Variants in JAK2 observed in about 807,000 individuals in gnomAD.
JAK2 encodes the protein tyrosine-protein kinase JAK2.
JAK2 carries 86 observed loss-of-function variants against 139.3 expected under a neutral mutation model. The observed-to-expected ratio is 0.62, with a 90% confidence interval of 0.52 to 0.74. JAK2 has a LOEUF of 0.74. Ranked by LOEUF, JAK2 falls within the 30% of genes least tolerant of loss-of-function variation. The probability of loss-of-function intolerance (pLI) is 0.00; values close to 1 mark genes in which losing one functional copy is unlikely to be tolerated. For missense variants in JAK2, 1,421 were observed against 1,360.3 expected (o/e 1.04, Z -0.70); for synonymous variants, 490 against 437.7 (o/e 1.12, Z -1.49).
chr9:5,121,257 T>G (rs988370231), intron 22 of JAK2, among the ~76,000 whole-genome samples: 1 of 152,148 alleles, frequency 6.6e-6, no homozygotes, highest in African/African-American at 2.4e-5. Context: ...CCTAAGAGAT[T>G]TGCAAAGACA....
chr9:5,008,835 A>G (rs1821492194), intron 2 of JAK2, among the ~76,000 whole-genome samples: 1 of 152,130 alleles, frequency 6.6e-6, no homozygotes, highest in African/African-American at 2.4e-5. Flanking sequence ...TCCTCCATCT[A>G]GAGCTTCTCT....
At chr9:5,043,254 C>T (rs1026983312) in intron 4 of JAK2, among the ~76,000 whole-genome samples, 1 of 151,684 alleles carries the variant, frequency 6.6e-6, no homozygotes, top group South Asian at 2.1e-4. Flanking sequence ...ACCAAGTGTA[C>T]GGAAATGGCG....
At chr9:5,076,414 A>T (rs1819311285) in intron 14 of JAK2, among the ~76,000 whole-genome samples, 1 of 152,212 alleles carries the variant, frequency 6.6e-6, no homozygotes, top group East Asian at 1.9e-4. Context: ...AGCCACCACC[A>T]TGATCAGTCA....
intron 22 of JAK2, 109 bp downstream of exon 22, chr9:5,091,020 T>C (rs1256810974): frequency 1.3e-6 from 1 of 796,264 alleles, no homozygotes; most frequent in Non-Finnish European, 1.9e-6. Context: ...AGTGAACATT[T>C]AAGTCTTTTA....
intron 4 of JAK2, among the ~76,000 whole-genome samples, chr9:5,031,832 G>A (rs146517229): frequency 5.0e-4 from 76 of 152,346 alleles, no homozygotes; most frequent in African/African-American, 1.6e-3. Context: ...CAGCATGGGC[G>A]ATGCAGAAGA....
chr9:5,074,348 T>C (rs1819170872), intron 14 of JAK2, among the ~76,000 whole-genome samples: 1 of 152,184 alleles, frequency 6.6e-6, no homozygotes, highest in South Asian at 2.1e-4. Flanking sequence ...TTTTTACATA[T>C]TGAAGGTTTA....
chr9:5,102,512 C>A (rs1821585766), intron 22 of JAK2, among the ~76,000 whole-genome samples: 4 of 152,086 alleles, frequency 2.6e-5, no homozygotes, highest in Non-Finnish European at 4.4e-5. Flanking sequence ...CCAAGGCAGG[C>A]CAACATTCAA....
At position 5,085,853 on chromosome 9, in the gene JAK2, C is replaced by G. The variant is rs1037244592; in HGVS notation, c.2572-3821C>G. 13 of 770,924 alleles carry G rather than the reference C, an allele frequency of 1.7e-5. No individual in the cohort carries two copies. In the African/African-American group the frequency reaches 1.9e-4, roughly 11 times the overall value. The allele number at this position is 770,924 out of a possible 1,614,324, so 47.8% of individuals were successfully genotyped here. On this transcript the variant is annotated intron_variant, in intron 19 of 24. Transcript: ENST00000381652. Reference sequence around the variant, plus strand: ...CTTTTCCTTTTACATCAAAGTAGTACTCAGAGATTTCCTTAAGTTCTGTTG... The same window carrying G: ...CTTTTCCTTTTACATCAAAGTAGTAGTCAGAGATTTCCTTAAGTTCTGTTG...
intron 2 of JAK2, among the ~76,000 whole-genome samples, chr9:4,998,752 A>G (rs938141071): frequency 1.3e-5 from 2 of 150,638 alleles, no homozygotes; most frequent in East Asian, 3.9e-4. Flanking sequence ...AAAAAAAAAA[A>G]CAACAAAAAA....
intron 3 of JAK2, among the ~76,000 whole-genome samples, chr9:5,024,290 T>TTTTAGCATGTAAGATTTTGC: frequency 6.6e-6 from 1 of 152,192 alleles, no homozygotes; most frequent in Non-Finnish European, 1.5e-5. Flanking sequence ...TAAGATTCAT[T>TTTTAGCATGTAAGATTTTGC]TTTAGCATGT....
chr9:5,113,058 T>A (rs936165422), intron 22 of JAK2, among the ~76,000 whole-genome samples: 12 of 151,924 alleles, frequency 7.9e-5, no homozygotes, highest in African/African-American at 2.7e-4. Flanking sequence ...GTCCAGGAGC[T>A]CCCTGGGACC....
At chr9:5,087,775 T>TTCTTA (rs1199915143) in intron 19 of JAK2, among the ~76,000 whole-genome samples, 1 of 141,440 alleles carries the variant, frequency 7.1e-6, no homozygotes, top group Non-Finnish European at 1.5e-5. Context: ...CTTTGAAATG[T>TTCTTA]TCTTATCTTT....
intron 4 of JAK2, among the ~76,000 whole-genome samples, chr9:5,036,916 TG>T (rs1311937735): frequency 6.6e-6 from 1 of 152,022 alleles, no homozygotes; most frequent in African/African-American, 2.4e-5. Context: ...ACCATCAGAG[TG>T]AACAGGCAAC....
intron 22 of JAK2, among the ~76,000 whole-genome samples, chr9:5,093,770 AG>A (rs1197869631): frequency 6.6e-6 from 1 of 152,178 alleles, no homozygotes; most frequent in Non-Finnish European, 1.5e-5. Flanking sequence ...TATCAATAAT[AG>A]GGTTTACGAC....
Position 5,054,503 on chromosome 9 carries a change from A to C in JAK2, c.615-60A>C. 7.3e-7 allele frequency: 1 copy of C among 1,377,674 alleles called. No individual in the cohort carries two copies. The highest frequency in any genetic ancestry group is 9.9e-7 in the Non-Finnish European group (1 of 1,008,434). 85.3% of individuals were successfully genotyped at this position (1,377,674 alleles called of 1,614,324 possible). A position where few individuals can be genotyped will look rare whatever the true frequency, so the allele number is the denominator to read the frequency against. ...GGTGGTAACTTCTTTTTCAATTTTT[A>C]GATTTATCTTCCAATTTTTGTTTTG... is the stretch of plus-strand genomic sequence containing the variant. On this transcript the variant is annotated intron_variant, in intron 6 of 24. Transcript: ENST00000381652. This position sits in a 1 kb window ranked among gnomAD's most constrained non-coding sequence, Gnocchi z 4.9.
intron 22 of JAK2, among the ~76,000 whole-genome samples, chr9:5,117,783 A>G (rs1279121631): frequency 2.0e-5 from 3 of 152,204 alleles, no homozygotes; most frequent in African/African-American, 7.2e-5. Context: ...TTTTAAGAGT[A>G]TACGAGGAAG....
At chr9:5,100,743 G>C (rs896212506) in intron 22 of JAK2, 1 of 152,172 alleles carries the variant, frequency 6.6e-6, no homozygotes, top group East Asian at 1.9e-4. Context: ...GATTACCTTA[G>C]GTATTTACTT....
chr9:5,115,755 T>G (rs1426404844), intron 22 of JAK2, among the ~76,000 whole-genome samples: 2 of 152,204 alleles, frequency 1.3e-5, no homozygotes, highest in African/African-American at 4.8e-5. Flanking sequence ...GTTCATGTCC[T>G]TTGCAGGGAC....
At chr9:5,026,110 C>G (rs181196582) in intron 3 of JAK2, among the ~76,000 whole-genome samples, 191 of 152,184 alleles carry the variant, frequency 1.3e-3, no homozygotes, top group Admixed American at 4.8e-3. Context: ...CCATCTCTAA[C>G]CTTTCTTTGG....
Sources: allele counts gnomAD v4.1 joint callset (sites outside exome capture counted in the v4.1 genomes callset), GRCh38; gene constraint gnomAD v4.1.1; non-coding constraint Gnocchi (gnomAD v3.1); transcripts MANE v1.5; gene names NCBI Gene and HGNC (gene_info 2026-07-23, HGNC 2026-07-21).